PPARG: variants seen among roughly 807,000 people sequenced by gnomAD.
The protein encoded by PPARG is peroxisome proliferator activated receptor gamma.
PPARG carries 17 observed loss-of-function variants against 39.2 expected under a neutral mutation model. The ratio of observed to expected loss-of-function variants is 0.43; its 90% CI spans 0.30 to 0.65. The LOEUF is 0.65. Among genes scored for constraint, PPARG ranks in the 30% least tolerant of loss-of-function variants. The pLI, the probability that PPARG is intolerant of heterozygous loss-of-function variation, is 0.13. For missense variants in PPARG, 406 were observed against 585.9 expected (o/e 0.69, Z 3.17); for synonymous variants, 223 against 215.7 (o/e 1.03, Z -0.30).
In PPARG at chr3:12,379,768, T is replaced by C. The variant is rs138038967; in HGVS notation, c.57T>C (p.Asp19=). 2.1e-5 allele frequency: 34 copies of C among 1,613,912 alleles called. No homozygotes were observed. Among genetic ancestry groups the C allele is most frequent in the South Asian group, 4.4e-5 (4 of 91,088 alleles). ...CCAACTTTGGGATCAGCTCCGTGGA[T>C]CTCTCCGTAATGGAAGACCACTCCC... ...WPTNFGISSV[D]LSVMEDHSHS... The change falls in exon 3 of 8, where the codon GAT becomes GAC. Residue 19 remains aspartate (D), a synonymous_variant. Transcript: ENST00000651735.
At chr3:12,324,991 T>C (rs1338624209) in intron 2 of PPARG, among the ~76,000 whole-genome samples, 1 of 149,142 alleles carries the variant, frequency 6.7e-6, no homozygotes, top group Non-Finnish European at 1.5e-5. Flanking sequence ...ATGCCACCAA[T>C]AAAGAGGCTT....
At chr3:12,288,325 A>C (rs1478416336), upstream of PPARG, among the ~76,000 whole-genome samples, 3 of 151,454 alleles carry the variant, frequency 2.0e-5, no homozygotes, top group African/African-American at 7.3e-5. Flanking sequence ...CGTCTACCGG[A>C]GCGCGCACTA....
At chr3:12,305,138 C>T (rs934714431) in intron 1 of PPARG, among the ~76,000 whole-genome samples, 1 of 151,932 alleles carries the variant, frequency 6.6e-6, no homozygotes. Flanking sequence ...TTTCTTCTTT[C>T]CTTCTTTTCT....
At chr3:12,319,699 A>T (rs776728138) in intron 2 of PPARG, among the ~76,000 whole-genome samples, 3 of 150,854 alleles carry the variant, frequency 2.0e-5, no homozygotes, top group Non-Finnish European at 2.9e-5. Flanking sequence ...ACTGATGCTG[A>T]CCTTTTAGTT....
intron 1 of PPARG, among the ~76,000 whole-genome samples, chr3:12,296,923 T>G (rs893117702): frequency 6.6e-5 from 10 of 150,884 alleles, no homozygotes; most frequent in African/African-American, 9.9e-5. Context: ...TTGATAATAG[T>G]TTTTTTTATT....
In PPARG at chr3:12,353,709, A is replaced by T. The variant is rs868232490; in HGVS notation, c.-8-25995A>T. On this transcript the variant is annotated intron_variant, in intron 2 of 7. Transcript: ENST00000651735. The stretch of plus-strand genomic sequence containing the variant: ...CACTTAGCCACTATGCCCAAAGAGG[A>T]CTTCCATACTTTTTCCAAGGCTCCA... Among the ~76,000 whole-genome samples, 10 of 152,162 alleles carry T rather than the reference A, an allele frequency of 6.6e-5. 1 individual carries two copies. Among genetic ancestry groups the T allele is most frequent in the African/African-American group, 2.4e-4 (10 of 41,436 alleles).
chr3:12,325,269 A>C (rs902756030), intron 2 of PPARG, among the ~76,000 whole-genome samples: 1 of 152,026 alleles, frequency 6.6e-6, no homozygotes, highest in Non-Finnish European at 1.5e-5. Flanking sequence ...AAAGATACAA[A>C]AATTAGCCAG....
chr3:12,388,711 C>A (rs1427568131), intron 4 of PPARG, among the ~76,000 whole-genome samples: 2 of 152,090 alleles, frequency 1.3e-5, no homozygotes, highest in African/African-American at 4.8e-5. Context: ...CTTCCCCTAC[C>A]TGGGGAAAGC....
chr3:12,321,113 A>G (rs2047528856), intron 2 of PPARG, among the ~76,000 whole-genome samples: 1 of 152,196 alleles, frequency 6.6e-6, no homozygotes, highest in South Asian at 2.1e-4. Flanking sequence ...ATTTACCAGG[A>G]AAAGCTGACT....
At position 12,371,908 on chromosome 3, in the gene PPARG, A is replaced by T. The variant is rs974805910; in HGVS notation, c.-8-7796A>T. On this transcript the variant is annotated intron_variant, in intron 2 of 7. Coordinates refer to ENST00000651735, the MANE Select transcript of PPARG (RefSeq NM_138711.6). ...CTGTCATGATGGGAGAGGAATTAGT[A>T]AATTCCCAGGTCAGTTTACACTGCA... The T allele has an allele frequency of 5.6e-6, 4 of 710,460 alleles. No homozygotes were observed. The African/African-American group carries it at 7.0e-5, about 12-fold the overall frequency. The allele number at this position is 710,460 out of a possible 1,614,324, so 44.0% of individuals were successfully genotyped here. A position where few individuals can be genotyped will look rare whatever the true frequency, so the allele number is the denominator to read the frequency against.
At chr3:12,288,886 CCTAA>C (rs1022986708), upstream of PPARG, 9 of 152,474 alleles carry the variant, frequency 5.9e-5, no homozygotes, top group Admixed American at 5.9e-4. Flanking sequence ...CTCCTGGGAG[CCTAA>C]CTGAGGGGGG....
Position 12,295,680 on chromosome 3 carries a change from AT to A in PPARG, c.-83+6552del, listed in dbSNP as rs2046762102. On this transcript the variant is annotated intron_variant, in intron 1 of 7. Coordinates refer to ENST00000651735, the MANE Select transcript of PPARG (RefSeq NM_138711.6). ...AGGCGCCCACCACCACACCTGGCTAATTTTTTGCATTTTTATTAGAGACGGG... is the reference window on the plus strand; with the variant it reads ...AGGCGCCCACCACCACACCTGGCTAATTTTTGCATTTTTATTAGAGACGGG... Among the ~76,000 whole-genome samples, 3 of 151,604 alleles carry A rather than the reference AT, an allele frequency of 2.0e-5. No homozygotes were observed. In the South Asian group the frequency reaches 6.3e-4, roughly 32 times the overall value.
intron 7 of PPARG, among the ~76,000 whole-genome samples, chr3:12,419,347 T>A (rs1163809388): frequency 6.6e-6 from 1 of 152,150 alleles, no homozygotes; most frequent in East Asian, 1.9e-4. Flanking sequence ...TATCTTTGAT[T>A]AATTCAGCAA....
chr3:12,360,565 G>A (rs1192127042), intron 2 of PPARG, among the ~76,000 whole-genome samples: 6 of 109,460 alleles, frequency 5.5e-5, no homozygotes, highest in African/African-American at 1.6e-4. Context: ...TGCGAAATTA[G>A]CACCCAGACA....
chr3:12,381,206 T>G (rs2049639766), intron 3 of PPARG, 116 bp from the exon 4 acceptor site: 3 of 1,084,760 alleles, frequency 2.8e-6, no homozygotes, highest in African/African-American at 1.6e-5. Context: ...TCCACTGTGC[T>G]TTTACACTGA....
chr3:12,325,381 G>A (rs1318544447), intron 2 of PPARG, among the ~76,000 whole-genome samples: 5 of 151,808 alleles, frequency 3.3e-5, no homozygotes, highest in East Asian at 1.9e-4. Context: ...AGATCACGCC[G>A]TTGCACTCTA....
intron 5 of PPARG, among the ~76,000 whole-genome samples, chr3:12,398,667 G>A (rs2050354017): frequency 6.6e-6 from 1 of 152,086 alleles, no homozygotes; most frequent in African/African-American, 2.4e-5. Context: ...AATGTTAGAG[G>A]ACCCAGAACA....
At chr3:12,323,449 T>C (rs2047602403) in intron 2 of PPARG, among the ~76,000 whole-genome samples, 1 of 150,994 alleles carries the variant, frequency 6.6e-6, no homozygotes. Context: ...GAGAGTGCCA[T>C]GCCAAAGGAG....
At chr3:12,405,742 G>T in intron 5 of PPARG, 140 bp from the exon 6 acceptor site, 1 of 812,710 alleles carries the variant, frequency 1.2e-6, no homozygotes, top group Non-Finnish European at 2.0e-6. Context: ...CATGAGCAAA[G>T]TGGTAGACAG....
Sources: gnomAD v4.1 joint callset for allele counts (sites outside exome capture counted in the v4.1 genomes callset) on GRCh38, gnomAD v4.1.1 for gene constraint, MANE v1.5 for transcripts, NCBI Gene and HGNC (gene_info 2026-07-23, HGNC 2026-07-21) for gene names.